MSRB3: variants seen among roughly 807,000 people sequenced by gnomAD.
MSRB3 encodes methionine sulfoxide reductase B3, also known as methionine-R-sulfoxide reductase B3.
Under a neutral mutation model 21.0 loss-of-function variants are expected in MSRB3, and 13 were observed. The ratio of observed to expected loss-of-function variants is 0.62; its 90% CI spans 0.40 to 0.98. MSRB3 has a LOEUF of 0.98. Among genes scored for constraint, MSRB3 ranks in the 50% least tolerant of loss-of-function variants. MSRB3 has a pLI of 0.00. For synonymous variants in MSRB3, 87 were observed against 88.6 expected, an observed-to-expected ratio of 0.98 and a Z score of 0.10; for missense variants, 199 against 230.3, an observed-to-expected ratio of 0.86 and a Z score of 0.88.
At chr12:65,426,783 C>T (rs1451255242) in intron 5 of MSRB3, among the ~76,000 whole-genome samples, 1 of 151,860 alleles carries the variant, frequency 6.6e-6, no homozygotes, top group African/African-American at 2.4e-5. Context: ...GATAACTTGT[C>T]TTTGAGTTCA....
intron 4 of MSRB3, among the ~76,000 whole-genome samples, chr12:65,365,724 A>G (rs1269199935): frequency 6.6e-6 from 1 of 152,252 alleles, no homozygotes; most frequent in African/African-American, 2.4e-5. Flanking sequence ...AAACTGTTAG[A>G]AAAGGATATA....
chr12:65,441,493 T>C (rs866942491), intron 5 of MSRB3, among the ~76,000 whole-genome samples: 8 of 152,010 alleles, frequency 5.3e-5, no homozygotes, highest in Non-Finnish European at 7.4e-5. Flanking sequence ...AAAGCTACTA[T>C]TGTCTTTAAA....
intron 5 of MSRB3, among the ~76,000 whole-genome samples, chr12:65,417,221 G>T (rs1881026515): frequency 6.6e-6 from 1 of 152,008 alleles, no homozygotes; most frequent in African/African-American, 2.4e-5. Flanking sequence ...TAGTCTAATT[G>T]GTGTTTGCCC....
At chr12:65,303,324 A>G (rs897957881) in intron 1 of MSRB3, among the ~76,000 whole-genome samples, 6 of 152,318 alleles carry the variant, frequency 3.9e-5, no homozygotes, top group African/African-American at 1.4e-4. Flanking sequence ...AAGATAAAAC[A>G]AAACCCTAGC....
chr12:65,354,224 G>C (rs1877236920), intron 4 of MSRB3, among the ~76,000 whole-genome samples: 1 of 151,922 alleles, frequency 6.6e-6, no homozygotes, highest in Non-Finnish European at 1.5e-5. Flanking sequence ...TCTTCTCGAA[G>C]AGTATCTTTG....
At chr12:65,406,556 A>G (rs1402167651) in intron 5 of MSRB3, among the ~76,000 whole-genome samples, 2 of 152,202 alleles carry the variant, frequency 1.3e-5, no homozygotes, top group African/African-American at 2.4e-5. Context: ...TCAAAATCCA[A>G]ATAACATTTT....
Position 65,328,152 on chromosome 12 carries a change from C to T in MSRB3, c.186-374C>T, listed in dbSNP as rs377008759. 1.8e-4 allele frequency among the ~76,000 whole-genome samples: 28 copies of T among 152,212 alleles called. 1 individual carries two copies. Among genetic ancestry groups the T allele is most frequent in the African/African-American group, 6.7e-4 (28 of 41,536 alleles). On this transcript the variant is annotated intron_variant, in intron 3 of 6. Coordinates refer to ENST00000308259, the MANE Select transcript of MSRB3 (RefSeq NM_001031679.3). ...AAATAAGACTCCTTCCACTTGAAGT[C>T]TTGGACCCTTCTGCATTTTCTGGTA...
At chr12:65,438,096 G>C (rs944267048) in intron 5 of MSRB3, among the ~76,000 whole-genome samples, 14 of 151,848 alleles carry the variant, frequency 9.2e-5, no homozygotes, top group African/African-American at 3.4e-4. Context: ...TATTGTGTAA[G>C]GCACTTTTAT....
intron 4 of MSRB3, among the ~76,000 whole-genome samples, chr12:65,357,289 A>G (rs1168205398): frequency 1.3e-5 from 2 of 151,774 alleles, no homozygotes; most frequent in African/African-American, 4.8e-5. Context: ...CTTCATATCC[A>G]TTGCTCCTGC....
At chr12:65,280,220 A>G (rs957628664) in intron 1 of MSRB3, among the ~76,000 whole-genome samples, 7 of 152,250 alleles carry the variant, frequency 4.6e-5, no homozygotes, top group Admixed American at 3.3e-4. Flanking sequence ...TGTAAATAGT[A>G]ACTTGAGCAG....
At chr12:65,289,694 C>T (rs1872570431) in intron 1 of MSRB3, among the ~76,000 whole-genome samples, 1 of 152,060 alleles carries the variant, frequency 6.6e-6, no homozygotes, top group African/African-American at 2.4e-5. Flanking sequence ...TTTCAATCCT[C>T]ACCCATCTTC....
At chr12:65,369,153 T>C (rs992198473) in intron 5 of MSRB3, 127 bp downstream of exon 5, 2 of 704,348 alleles carry the variant, frequency 2.8e-6, no homozygotes, top group Non-Finnish European at 5.0e-6. Context: ...AAAATGTGAG[T>C]CCCACCTCAA....
At chr12:65,443,636 G>C (rs774852777) in intron 5 of MSRB3, among the ~76,000 whole-genome samples, 1 of 151,982 alleles carries the variant, frequency 6.6e-6, no homozygotes, top group Non-Finnish European at 1.5e-5. Context: ...TCCCGGGGAG[G>C]GTTCTCTATC....
chr12:65,319,347 C>G lies in MSRB3; in HGVS notation c.77-7479C>G, dbSNP rs561815730. Among the ~76,000 whole-genome samples the G allele has an allele frequency of 1.7e-4, 26 of 152,164 alleles. No homozygotes were observed. In the South Asian group the frequency reaches 5.0e-3, roughly 29 times the overall value. ...CTTGACTTGTGCACATTTGATCATA[C>G]TATATCTATTGGGATGTCTAGATGT... On this transcript the variant is annotated intron_variant, in intron 2 of 6. Coordinates refer to ENST00000308259, the MANE Select transcript of MSRB3 (RefSeq NM_001031679.3).
At chr12:65,393,695 G>T (rs1434171044) in intron 5 of MSRB3, among the ~76,000 whole-genome samples, 1 of 147,158 alleles carries the variant, frequency 6.8e-6, no homozygotes, top group African/African-American at 2.5e-5. Flanking sequence ...TGTTGTTCTT[G>T]TTTTGTGTAT....
chr12:65,329,078 G>A (rs1257603998), intron 4 of MSRB3, among the ~76,000 whole-genome samples: 2 of 152,142 alleles, frequency 1.3e-5, no homozygotes, highest in East Asian at 3.8e-4. Context: ...CTTTACATAG[G>A]TAAGCAAATT....
intron 4 of MSRB3, among the ~76,000 whole-genome samples, chr12:65,331,781 G>T (rs910159361): frequency 3.9e-5 from 6 of 152,230 alleles, no homozygotes; most frequent in African/African-American, 1.4e-4. Flanking sequence ...GGAGTTGGTT[G>T]CTGGAAAAGC....
intron 2 of MSRB3, among the ~76,000 whole-genome samples, chr12:65,322,203 G>T (rs1432665657): frequency 6.6e-6 from 1 of 152,106 alleles, no homozygotes; most frequent in African/African-American, 2.4e-5. Flanking sequence ...GTAAATACAG[G>T]GAAAAGAGAC....
chr12:65,425,054 A>G (rs1881520217), intron 5 of MSRB3, among the ~76,000 whole-genome samples: 1 of 21,670 alleles, frequency 4.6e-5, no homozygotes, highest in Non-Finnish European at 1.3e-4. Flanking sequence ...TATATTATAT[A>G]TATTTACAGT....
Sources: gnomAD v4.1 joint callset for allele counts (sites outside exome capture counted in the v4.1 genomes callset) on GRCh38, gnomAD v4.1.1 for gene constraint, MANE v1.5 for transcripts, NCBI Gene and HGNC (gene_info 2026-07-23, HGNC 2026-07-21) for gene names.